The following CTNNA3 variants were observed in gnomAD, a reference collection of about 807,000 sequenced individuals.
CTNNA3 encodes the protein catenin alpha-3.
CTNNA3 carries 76 observed loss-of-function variants against 95.7 expected under a neutral mutation model. That is an observed-to-expected ratio of 0.79 (90% CI 0.66 to 0.96). The LOEUF (loss-of-function observed/expected upper bound fraction) is 0.96, where lower values mean the gene tolerates loss of function less well. Ranked by LOEUF, CTNNA3 falls within the 40% of genes least tolerant of loss-of-function variation. CTNNA3 has a pLI of 0.00. For missense variants in CTNNA3, 1,191 were observed against 1,089.8 expected (o/e 1.09, Z -1.31); for synonymous variants, 431 against 374.4 (o/e 1.15, Z -1.74).
intron 12 of CTNNA3, among the ~76,000 whole-genome samples, chr10:66,363,506 C>G (rs1483132237): frequency 1.3e-5 from 2 of 152,118 alleles, no homozygotes; most frequent in African/African-American, 4.8e-5. Context: ...ATGCTGGCAC[C>G]CTGATTTGGG....
chr10:66,130,817 C>G (rs2083057105), intron 13 of CTNNA3, among the ~76,000 whole-genome samples: 1 of 149,570 alleles, frequency 6.7e-6, no homozygotes, highest in Non-Finnish European at 1.5e-5. Context: ...GATCGCACCA[C>G]TGCACTCCAG....
chr10:66,528,898 AG>A (rs1254726900), intron 10 of CTNNA3, among the ~76,000 whole-genome samples: 1 of 152,180 alleles, frequency 6.6e-6, no homozygotes, highest in Non-Finnish European at 1.5e-5. Flanking sequence ...AGTGAAAGAC[AG>A]AAAAAAAGAA....
intron 7 of CTNNA3, among the ~76,000 whole-genome samples, chr10:67,119,323 T>A (rs959975275): frequency 6.6e-6 from 1 of 151,924 alleles, no homozygotes; most frequent in Admixed American, 6.6e-5. Flanking sequence ...ATCTCAGTGT[T>A]AAAAGGAAAC....
chr10:66,119,050 CT>C (rs2082458706), intron 13 of CTNNA3, among the ~76,000 whole-genome samples: 1 of 152,058 alleles, frequency 6.6e-6, no homozygotes. Flanking sequence ...CCACACTATT[CT>C]TTTTAAATTT....
Position 67,335,825 on chromosome 10 carries a change from G to A in CTNNA3, c.580-115955C>T, listed in dbSNP as rs141165612. ...CGACAACGTTGAGAACTTACTGTGTGTAAATGTGTGTATATAACCTTGTTT... is the reference window on the plus strand; with the variant it reads ...CGACAACGTTGAGAACTTACTGTGTATAAATGTGTGTATATAACCTTGTTT... On this transcript the variant is annotated intron_variant, in intron 5 of 17. Coordinates refer to ENST00000433211, the MANE Select transcript of CTNNA3 (RefSeq NM_013266.4). Among the ~76,000 whole-genome samples the A allele has an allele frequency of 3.2e-3, 487 of 151,856 alleles. 3 individuals are homozygous for A. The highest frequency in any genetic ancestry group is 0.011 in the African/African-American group (470 of 41,336).
intron 9 of CTNNA3, among the ~76,000 whole-genome samples, chr10:66,679,644 A>G (rs907669414): frequency 4.6e-5 from 7 of 152,158 alleles, no homozygotes; most frequent in East Asian, 1.9e-4. Context: ...TATCACCTGT[A>G]TGTTTTCCTT....
At chr10:66,193,663 T>C (rs4745888) in intron 13 of CTNNA3, among the ~76,000 whole-genome samples, 21,538 of 152,156 alleles carry the variant, frequency 0.14, 2,500 homozygotes, top group African/African-American at 0.32. Context: ...CTTCCCAAAA[T>C]AATTACCTAT....
chr10:66,955,861 C>T (rs1848762030), intron 7 of CTNNA3, among the ~76,000 whole-genome samples: 1 of 152,118 alleles, frequency 6.6e-6, no homozygotes, highest in African/African-American at 2.4e-5. Flanking sequence ...TGTGTCTCAC[C>T]TTCATCACCA....
chr10:66,306,094 TA>T (rs1466942075), intron 12 of CTNNA3, among the ~76,000 whole-genome samples: 5 of 152,172 alleles, frequency 3.3e-5, no homozygotes, highest in African/African-American at 1.2e-4. Context: ...GTCACATACC[TA>T]AAGGGTTAGA....
At chr10:66,572,846 C>A (rs1842909686) in intron 10 of CTNNA3, among the ~76,000 whole-genome samples, 1 of 152,142 alleles carries the variant, frequency 6.6e-6, no homozygotes, top group Non-Finnish European at 1.5e-5. Context: ...CAATGCTTTA[C>A]CATCATCTGC....
intron 5 of CTNNA3, among the ~76,000 whole-genome samples, chr10:67,482,152 C>G (rs999364968): frequency 1.3e-5 from 2 of 150,258 alleles, no homozygotes; most frequent in Non-Finnish European, 3.0e-5. Context: ...GTTACTGTAG[C>G]CTTGTAGTAT....
At chr10:67,499,565 G>C (rs1301055259) in intron 5 of CTNNA3, among the ~76,000 whole-genome samples, 4 of 152,100 alleles carry the variant, frequency 2.6e-5, no homozygotes, top group Non-Finnish European at 4.4e-5. Flanking sequence ...CTGGTCCTGG[G>C]CTTTTTTTGG....
chr10:67,598,360 A>C (rs1842986024), intron 3 of CTNNA3, among the ~76,000 whole-genome samples: 1 of 151,980 alleles, frequency 6.6e-6, no homozygotes, highest in South Asian at 2.1e-4. Context: ...TATTTAACTC[A>C]TCCCTTCCCT....
intron 15 of CTNNA3, among the ~76,000 whole-genome samples, chr10:66,042,671 G>A (rs1176897216): frequency 2.6e-5 from 4 of 151,790 alleles, no homozygotes; most frequent in Admixed American, 1.3e-4. Context: ...AGGCCGAGGC[G>A]GGTGGATCAC....
intron 5 of CTNNA3, among the ~76,000 whole-genome samples, chr10:67,511,234 T>C (rs991407092): frequency 6.6e-6 from 1 of 152,184 alleles, no homozygotes; most frequent in Non-Finnish European, 1.5e-5. Flanking sequence ...CTATGTTGAA[T>C]AGGAGTGGTG....
intron 11 of CTNNA3, among the ~76,000 whole-genome samples, chr10:66,473,826 C>T (rs932278592): frequency 7.2e-5 from 11 of 152,094 alleles, no homozygotes; most frequent in Non-Finnish European, 1.2e-4. Flanking sequence ...TCATCCATGT[C>T]CCTACAAAGG....
At chr10:67,726,501 A>G (rs1438576961) in intron 1 of CTNNA3, among the ~76,000 whole-genome samples, 2 of 55,952 alleles carry the variant, frequency 3.6e-5, no homozygotes, top group Non-Finnish European at 5.7e-5. Flanking sequence ...TACAATATAT[A>G]ATATATTATA....
chr10:67,400,547 A>C (rs1438741590), intron 5 of CTNNA3, among the ~76,000 whole-genome samples: 1 of 152,214 alleles, frequency 6.6e-6, no homozygotes, highest in African/African-American at 2.4e-5. Flanking sequence ...GATGATATTG[A>C]GATCATATCC....
intron 5 of CTNNA3, among the ~76,000 whole-genome samples, chr10:67,268,458 C>A (rs1339222142): frequency 6.6e-6 from 1 of 152,142 alleles, no homozygotes; most frequent in Non-Finnish European, 1.5e-5. Flanking sequence ...GAGTTCAAGG[C>A]TGCAGGGAGC....
Sources: allele counts gnomAD v4.1 joint callset (sites outside exome capture counted in the v4.1 genomes callset), GRCh38; gene constraint gnomAD v4.1.1; transcripts MANE v1.5; gene names NCBI Gene and HGNC (gene_info 2026-07-23, HGNC 2026-07-21).